Variants in ARHGEF2 observed in about 807,000 individuals in gnomAD.
ARHGEF2 encodes the protein Rho/Rac guanine nucleotide exchange factor 2, also known as rho guanine nucleotide exchange factor 2.
A neutral mutation model predicts 121.0 loss-of-function variants in ARHGEF2; 22 were observed. The ratio of observed to expected loss-of-function variants is 0.18; its 90% confidence interval spans 0.13 to 0.26. The LOEUF (loss-of-function observed/expected upper bound fraction) is 0.26, where lower values mean the gene tolerates loss of function less well. Ranked by LOEUF, ARHGEF2 falls within the 10% of genes least tolerant of loss-of-function variation. The pLI is 1.00. For missense variants in ARHGEF2, 907 were observed against 1,336.0 expected, an observed-to-expected ratio of 0.68 and a Z score of 5.01; for synonymous variants, 487 against 530.0, an observed-to-expected ratio of 0.92 and a Z score of 1.11.
Position 155,947,465 on chromosome 1 carries a change from T to C in ARHGEF2, c.*477A>G, listed in dbSNP as rs2102621054. 1 of 456,118 alleles carries C rather than the reference T, an allele frequency of 2.2e-6. No individual in the cohort carries two copies. The highest frequency in any genetic ancestry group is 4.4e-6 in the Non-Finnish European group (1 of 226,690). The allele number at this position is 456,118 out of a possible 1,614,324, so 28.3% of individuals were successfully genotyped here. A position where few individuals can be genotyped will look rare whatever the true frequency, so the allele number is the denominator to read the frequency against. On this transcript the variant is annotated 3_prime_UTR_variant, in exon 22 of 22. Transcript: ENST00000361247. Reference sequence around the variant, plus strand: ...TGGCCCTGCCCACAGCCCTCCTTTATTTAAAGGGCAGTAGGGTGCTGTGGC... The same window carrying C: ...TGGCCCTGCCCACAGCCCTCCTTTACTTAAAGGGCAGTAGGGTGCTGTGGC...
Position 155,955,583 on chromosome 1 carries a change from T to C in ARHGEF2, c.1716-614A>G, listed in dbSNP as rs80209303. On this transcript the variant is annotated intron_variant, in intron 13 of 21. Transcript: ENST00000361247. Reference sequence around the variant, plus strand: ...ACTGTTTACCAGGTGGTAACCTCTCTATTTCCTCATTTGAAAAATGAAGGT... The same window carrying C: ...ACTGTTTACCAGGTGGTAACCTCTCCATTTCCTCATTTGAAAAATGAAGGT... Among the ~76,000 whole-genome samples, 314 of 152,344 alleles carry C rather than the reference T, an allele frequency of 2.1e-3. 1 individual carries two copies. The highest frequency in any genetic ancestry group is 7.4e-3 in the African/African-American group (309 of 41,578).
upstream of ARHGEF2, chr1:155,979,086 C>G: frequency 1.0e-6 from 1 of 985,724 alleles, no homozygotes; most frequent in African/African-American, 1.7e-5. Context: ...CAAAGGAGAA[C>G]TAAACGCTGG....
At chr1:155,957,974 A>G in intron 12 of ARHGEF2, 92 bp from the exon 13 acceptor site, 1 of 1,322,640 alleles carries the variant, frequency 7.6e-7, no homozygotes, top group Non-Finnish European at 1.0e-6. Context: ...GACTGAAAGG[A>G]CTGAAGAGTC....
chr1:155,978,399 G>T lies in ARHGEF2; in HGVS notation c.29C>A (p.Ala10Glu). The change falls in exon 1 of 22, where the codon GCG becomes GAG. Residue 10 changes from alanine (A) to glutamate (E), a missense_variant. Ala to Glu is a moderately radical substitution (Grantham distance 107). Around this residue, in one of 2 missense-constraint regions of ARHGEF2, gnomAD observed 475 missense variants for 776.5 expected, o/e 0.61. Coordinates refer to ENST00000361247, the MANE Select transcript of ARHGEF2 (RefSeq NM_001162383.2). This position sits in a 1 kb window ranked among gnomAD's most constrained non-coding sequence, Gnocchi z 4.1. MSRIESLTR[A>E]RIDRSRELAS... ...CAGCTCTCTGCTCCGGTCGATCCGC[G>T]CCCGCGTGAGGGATTCGATCCGAGA... The T allele has an allele frequency of 6.6e-7, 1 of 1,518,580 alleles. No individual in the cohort carries two copies. The highest frequency in any genetic ancestry group is 8.9e-7 in the Non-Finnish European group (1 of 1,124,224). The allele number at this position is 1,518,580 out of a possible 1,614,324, so 94.1% of individuals were successfully genotyped here.
intron 13 of ARHGEF2, 24 bp downstream of exon 13, chr1:155,957,689 T>C (rs753599927): frequency 3.3e-5 from 52 of 1,594,228 alleles, no homozygotes; most frequent in Non-Finnish European, 3.6e-5. Context: ...CATAAGCACA[T>C]GCAGGCGGCA....
Position 155,952,177 on chromosome 1 carries a change from T to C in ARHGEF2, c.2043A>G (p.Arg681=). ...GPGVELLLTP[R]EPALPLEPDS... ...CTGGTTCCAAGGGCAGGGCTGGCTC[T>C]CGGGGTGTCAAGAGCAGTTCCACTC... Residue 681 remains arginine, a synonymous_variant, in exon 16 of 22, where the codon CGA becomes CGG. Transcript: ENST00000361247. 6.2e-7 allele frequency: 1 copy of C among 1,614,136 alleles called. No homozygotes were observed.
In ARHGEF2 at chr1:155,963,287, T is replaced by C. The variant is rs754846014; in HGVS notation, c.725-104A>G. 7.6e-4 allele frequency: 841 copies of C among 1,105,150 alleles called. 1 individual carries two copies. The highest frequency in any genetic ancestry group is 7.0e-4 in the Non-Finnish European group (533 of 766,884). The allele number at this position is 1,105,150 out of a possible 1,614,324, so 68.5% of individuals were successfully genotyped here. ...GTTCACGTGAGGTTTTCAAGGTCCATTCCAGGTTAATATTCTGCATTATTA... is the reference window on the plus strand; with the variant it reads ...GTTCACGTGAGGTTTTCAAGGTCCACTCCAGGTTAATATTCTGCATTATTA... On this transcript the variant is annotated intron_variant, in intron 7 of 21. Coordinates refer to ENST00000361247, the MANE Select transcript of ARHGEF2 (RefSeq NM_001162383.2).
rs1330936911 is a variant in ARHGEF2 at position 155,951,878 on chromosome 1, C to G, written c.2172+41G>C. 6.2e-7 allele frequency: 1 copy of G among 1,612,738 alleles called. No individual in the cohort carries two copies. The highest frequency in any genetic ancestry group is 2.2e-5 in the East Asian group (1 of 44,886). On this transcript the variant is annotated intron_variant, in intron 17 of 21. Coordinates refer to ENST00000361247, the MANE Select transcript of ARHGEF2 (RefSeq NM_001162383.2). The surrounding 1 kb of genome is among the most constrained non-coding windows in gnomAD (Gnocchi z 5.1). ...GGATCCAGAGGCTGGCTGTCCCTCT[C>G]CCACCCTCTTGCCAAGTCCCAGAAC... is the stretch of plus-strand genomic sequence containing the variant.
chr1:155,960,373 G>GC, intron 11 of ARHGEF2, among the ~76,000 whole-genome samples: 1 of 151,960 alleles, frequency 6.6e-6, no homozygotes, highest in South Asian at 2.1e-4. Context: ...GGAGTCTAAG[G>GC]CAGAAGGATC....
Position 155,965,141 on chromosome 1 carries a change from A to T in ARHGEF2, c.581-10T>A, listed in dbSNP as rs138026315. The T allele has an allele frequency of 1.0e-3, 1,688 of 1,613,830 alleles. 16 individuals are homozygous for T. In the African/African-American group the frequency reaches 0.02, roughly 19 times the overall value. ...CTGTAGATTACCTCTGCTGGACATT[A>T]GCAGGGCAAGCAACTCAGAGGTCTT... On this transcript the variant is annotated splice_polypyrimidine_tract_variant and intron_variant, in intron 6 of 21. Coordinates refer to ENST00000361247, the MANE Select transcript of ARHGEF2 (RefSeq NM_001162383.2). The surrounding 1 kb of genome is among the most constrained non-coding windows in gnomAD (Gnocchi z 6.0).
Position 155,961,195 on chromosome 1 carries a change from G to A in ARHGEF2, c.1468+466C>T, listed in dbSNP as rs1677827374. On this transcript the variant is annotated intron_variant, in intron 11 of 21. Transcript: ENST00000361247. The surrounding 1 kb of genome is among the most constrained non-coding windows in gnomAD (Gnocchi z 4.7). ...CCATAAAGTTAACTGCAGAATTCAG[G>A]CTTTTCTGCCACAGAGATCCTATTT... Among the ~76,000 whole-genome samples the A allele has an allele frequency of 6.6e-6, 1 of 151,998 alleles. No individual in the cohort carries two copies. The highest frequency in any genetic ancestry group is 1.5e-5 in the Non-Finnish European group (1 of 68,014).
Position 155,951,713 on chromosome 1 carries a change from T to A in ARHGEF2, c.2208+28A>T, listed in dbSNP as rs1437279712. Reference sequence around the variant, plus strand: ...CAGACTAAGAACATCCTCCCTTCAGTCTCCTATACCATCAATTCCCATCTC... The same window carrying A: ...CAGACTAAGAACATCCTCCCTTCAGACTCCTATACCATCAATTCCCATCTC... On this transcript the variant is annotated intron_variant, in intron 18 of 21. Transcript: ENST00000361247. The surrounding 1 kb of genome is among the most constrained non-coding windows in gnomAD (Gnocchi z 5.1). The A allele has an allele frequency of 6.2e-7, 1 of 1,614,092 alleles. No homozygotes were observed. The highest frequency in any genetic ancestry group is 1.1e-5 in the South Asian group (1 of 91,076).
At chr1:155,953,231 A>G (rs913664249) in intron 14 of ARHGEF2, among the ~76,000 whole-genome samples, 2 of 146,460 alleles carry the variant, frequency 1.4e-5, no homozygotes, top group Admixed American at 7.2e-5. Flanking sequence ...ACACCACTGC[A>G]CTCCAGCCTG....
At chr1:155,966,993 C>T in intron 2 of ARHGEF2, 106 bp from the exon 3 acceptor site, 1 of 1,071,050 alleles carries the variant, frequency 9.3e-7, no homozygotes, top group Non-Finnish European at 1.4e-6. Flanking sequence ...TCCTCGGGGA[C>T]TCTCCCCCCT....
Position 155,950,173 on chromosome 1 carries a change from G to A in ARHGEF2, c.2887+126C>T. ...CACCCATTCATCATCAGACAAAACA[G>A]GAAGTCCCTCCCTAGAGTTACTACA... On this transcript the variant is annotated intron_variant, in intron 21 of 21. Transcript: ENST00000361247. This position sits in a 1 kb window ranked among gnomAD's most constrained non-coding sequence, Gnocchi z 5.2. 3.4e-6 allele frequency: 4 copies of A among 1,184,788 alleles called. No individual in the cohort carries two copies. The South Asian group carries it at 5.8e-5, about 17-fold the overall frequency. 73.4% of individuals were successfully genotyped at this position (1,184,788 alleles called of 1,614,324 possible). A position where few individuals can be genotyped will look rare whatever the true frequency, so the allele number is the denominator to read the frequency against.
chr1:155,952,980 G>C (rs1485853553), intron 14 of ARHGEF2, 152 bp from the exon 15 acceptor site: 2 of 740,638 alleles, frequency 2.7e-6, no homozygotes, highest in East Asian at 2.7e-5. Context: ...AAAGCTTTCT[G>C]TTGGTCAGGT....
chr1:155,950,916 C>G lies in ARHGEF2; in HGVS notation c.2616G>C (p.Glu872Asp). Residue 872 changes from glutamate (E) to aspartate (D), a missense_variant, in exon 20 of 22, where the codon GAG becomes GAC. Around this residue, in one of 2 missense-constraint regions of ARHGEF2, gnomAD observed 432 missense variants for 559.5 expected, o/e 0.77. Coordinates refer to ENST00000361247, the MANE Select transcript of ARHGEF2 (RefSeq NM_001162383.2). The surrounding 1 kb of genome is among the most constrained non-coding windows in gnomAD (Gnocchi z 5.2). ...ALGQTEPLPA[E>D]APWARRPVDP... ...CCACAGGTCTGCGGGCCCAGGGGGC[C>G]TCAGCTGGGAGTGGCTCGGTCTGGC... is the stretch of plus-strand genomic sequence containing the variant. 6.2e-7 allele frequency: 1 copy of G among 1,602,576 alleles called. No homozygotes were observed. The highest frequency in any genetic ancestry group is 8.5e-7 in the Non-Finnish European group (1 of 1,173,058).
chr1:155,962,530 C>T lies in ARHGEF2; in HGVS notation c.1101+63G>A, dbSNP rs546046568. ...ATGTGGGTGCAGCTCACAGGCACTACCCCCATGAGTTGGGGAGGGTGGGTT... is the reference window on the plus strand; with the variant it reads ...ATGTGGGTGCAGCTCACAGGCACTATCCCCATGAGTTGGGGAGGGTGGGTT... On this transcript the variant is annotated intron_variant, in intron 9 of 21. Transcript: ENST00000361247. The surrounding 1 kb of genome is among the most constrained non-coding windows in gnomAD (Gnocchi z 5.8). The T allele has an allele frequency of 2.2e-5, 35 of 1,595,352 alleles. No homozygotes were observed. The African/African-American group carries it at 2.9e-4, about 13-fold the overall frequency.
intron 7 of ARHGEF2, 29 bp from the exon 8 acceptor site, chr1:155,963,212 C>T (rs1240879777): frequency 6.3e-7 from 1 of 1,595,072 alleles, no homozygotes; most frequent in African/African-American, 1.3e-5. Context: ...CATTTGGCCT[C>T]TACCCTGGCT....
Sources: gnomAD v4.1 joint callset for allele counts (sites outside exome capture counted in the v4.1 genomes callset) on GRCh38, gnomAD v4.1.1 for gene constraint, gnomAD v4.1.1 regional missense constraint, Gnocchi (gnomAD v3.1) non-coding constraint, MANE v1.5 for transcripts, NCBI Gene and HGNC (gene_info 2026-07-23, HGNC 2026-07-21) for gene names.